The following CRACD variants were observed in gnomAD, a reference collection of about 807,000 sequenced individuals.
CRACD encodes capping protein-inhibiting regulator of actin dynamics.
CRACD carries 56 observed loss-of-function variants against 106.8 expected under a neutral mutation model. That is an observed-to-expected ratio of 0.52 (90% CI 0.42 to 0.66). The LOEUF (loss-of-function observed/expected upper bound fraction) is 0.66, where lower values mean the gene tolerates loss of function less well. Among genes scored for constraint, CRACD ranks in the 30% least tolerant of loss-of-function variants. CRACD has a pLI of 0.00. For synonymous variants in CRACD, 754 were observed against 670.8 expected (o/e 1.12, Z -1.92); for missense variants, 1,730 against 1,623.2 (o/e 1.07, Z -1.13).
At chr4:56,084,025 G>A (rs1733131684) in intron 1 of CRACD, among the ~76,000 whole-genome samples, 1 of 152,120 alleles carries the variant, frequency 6.6e-6, no homozygotes. Context: ...ACCTACAAAT[G>A]AATTGATTCA....
At chr4:56,200,826 C>T (rs12644788) in intron 2 of CRACD, among the ~76,000 whole-genome samples, 23,408 of 152,054 alleles carry the variant, frequency 0.15, 2,951 homozygotes, top group East Asian at 0.56. Context: ...GTAAAACAAC[C>T]TTATTGAAAC....
intron 2 of CRACD, among the ~76,000 whole-genome samples, chr4:56,239,066 G>A (rs1214030456): frequency 6.6e-6 from 1 of 152,146 alleles, no homozygotes; most frequent in African/African-American, 2.4e-5. Context: ...GCCGAGGCGG[G>A]CAGGTCACTT....
chr4:56,182,984 G>C (rs1736903549), intron 2 of CRACD, among the ~76,000 whole-genome samples: 1 of 151,288 alleles, frequency 6.6e-6, no homozygotes, highest in African/African-American at 2.4e-5. Context: ...TGTAATCTCA[G>C]TACTTTGGGA....
At chr4:56,082,679 G>A (rs1261577017) in intron 1 of CRACD, among the ~76,000 whole-genome samples, 2 of 152,162 alleles carry the variant, frequency 1.3e-5, no homozygotes, top group African/African-American at 4.8e-5. Context: ...GAACTTTGAA[G>A]AAAGGATGGG....
chr4:56,065,482 GAAGTATC>G (rs1732435413), intron 1 of CRACD, among the ~76,000 whole-genome samples: 1 of 152,156 alleles, frequency 6.6e-6, no homozygotes, highest in Non-Finnish European at 1.5e-5. Flanking sequence ...GCTTCTGGGA[GAAGTATC>G]TTAGCCTTTT....
chr4:56,279,276 A>C (rs1742864793), intron 3 of CRACD, among the ~76,000 whole-genome samples: 1 of 152,186 alleles, frequency 6.6e-6, no homozygotes, highest in African/African-American at 2.4e-5. Flanking sequence ...GGAGCTGTAG[A>C]CTGGAGCTGT....
intron 4 of CRACD, among the ~76,000 whole-genome samples, chr4:56,302,543 C>T (rs1169557923): frequency 6.6e-6 from 1 of 152,154 alleles, no homozygotes; most frequent in Non-Finnish European, 1.5e-5. Flanking sequence ...GTCATACATT[C>T]GGGGATTTTG....
intron 6 of CRACD, 70 bp downstream of exon 6, chr4:56,310,804 T>G (rs1745112669): frequency 2.2e-6 from 2 of 901,088 alleles, no homozygotes; most frequent in East Asian, 6.1e-5. Context: ...CCCCCTTTTT[T>G]TTTTTTGCGA....
chr4:56,266,872 G>C (rs1460659667), intron 2 of CRACD, among the ~76,000 whole-genome samples: 2 of 152,148 alleles, frequency 1.3e-5, no homozygotes, highest in East Asian at 3.9e-4. Flanking sequence ...GTAAAGCTTT[G>C]AGAACTTGCT....
rs563228518 is a variant in CRACD at position 56,192,317 on chromosome 4, G to A, written c.-189+12887G>A. On this transcript the variant is annotated intron_variant, in intron 2 of 10. Coordinates refer to ENST00000682029, the MANE Select transcript of CRACD (RefSeq NM_001393381.1). Reference sequence around the variant, plus strand: ...TGAGGTGGAAGAGTTGTTTGGACCCGGGAGGCAGAAGTTGCAGTGAGCCAA... The same window carrying A: ...TGAGGTGGAAGAGTTGTTTGGACCCAGGAGGCAGAAGTTGCAGTGAGCCAA... Among the ~76,000 whole-genome samples, 45 of 152,110 alleles carry A rather than the reference G, an allele frequency of 3.0e-4. No homozygotes were observed. In the East Asian group the frequency reaches 7.9e-3, roughly 27 times the overall value.
Position 56,167,188 on chromosome 4 carries a change from A to G in CRACD, c.-335-12096A>G, listed in dbSNP as rs1306432282. On this transcript the variant is annotated intron_variant, in intron 1 of 10. Coordinates refer to ENST00000682029, the MANE Select transcript of CRACD (RefSeq NM_001393381.1). ...AATTTATGAAATTATCAATAGATTT[A>G]TAAGTTATTTCATTTTTTTCAAAAA... Among the ~76,000 whole-genome samples, 5 of 152,202 alleles carry G rather than the reference A, an allele frequency of 3.3e-5. No individual in the cohort carries two copies. In the East Asian group the frequency reaches 9.6e-4, roughly 29 times the overall value.
At chr4:56,289,388 T>G (rs534190819) in intron 3 of CRACD, among the ~76,000 whole-genome samples, 2 of 152,316 alleles carry the variant, frequency 1.3e-5, no homozygotes, top group Admixed American at 1.3e-4. Flanking sequence ...GAATTAAAAC[T>G]GGGCTGGGCA....
In CRACD at chr4:56,112,202, A is replaced by G. The variant is rs573067521; in HGVS notation, c.-336+62903A>G. On this transcript the variant is annotated intron_variant, in intron 1 of 10. Transcript: ENST00000682029. ...TGCTTGCTTCGTGCAACGAAGCCAAATGCTGACATCTAGATAGCAGCGAGA... is the reference window on the plus strand; with the variant it reads ...TGCTTGCTTCGTGCAACGAAGCCAAGTGCTGACATCTAGATAGCAGCGAGA... Among the ~76,000 whole-genome samples the G allele has an allele frequency of 3.9e-5, 6 of 152,320 alleles. 1 individual carries two copies. The South Asian group carries it at 6.2e-4, about 16-fold the overall frequency.
chr4:56,105,391 T>C (rs1035895500), intron 1 of CRACD, among the ~76,000 whole-genome samples: 1 of 152,186 alleles, frequency 6.6e-6, no homozygotes, highest in African/African-American at 2.4e-5. Flanking sequence ...CCCAGCTCCT[T>C]GGGAGGTTGA....
chr4:56,284,940 A>G (rs1743252621), intron 3 of CRACD, among the ~76,000 whole-genome samples: 1 of 152,190 alleles, frequency 6.6e-6, no homozygotes, highest in Admixed American at 6.5e-5. Flanking sequence ...ATGGTGTATT[A>G]GTCTGTTTTC....
intron 1 of CRACD, among the ~76,000 whole-genome samples, chr4:56,063,079 AG>A (rs1732338451): frequency 6.6e-6 from 1 of 150,890 alleles, no homozygotes; most frequent in African/African-American, 2.5e-5. Flanking sequence ...AAGGAAAGGA[AG>A]GAAGAGAAGA....
intron 10 of CRACD, among the ~76,000 whole-genome samples, chr4:56,325,628 C>A (rs1260225190): frequency 6.6e-6 from 1 of 152,162 alleles, no homozygotes; most frequent in African/African-American, 2.4e-5. Context: ...AGAAAATATT[C>A]TTTATTTGGT....
At chr4:56,309,446 A>G (rs1490951350) in intron 5 of CRACD, among the ~76,000 whole-genome samples, 1 of 152,156 alleles carries the variant, frequency 6.6e-6, no homozygotes, top group African/African-American at 2.4e-5. Flanking sequence ...GCCAGGCAGT[A>G]TGGCTCATAC....
intron 1 of CRACD, among the ~76,000 whole-genome samples, chr4:56,139,820 A>G (rs1344740764): frequency 6.6e-6 from 1 of 152,168 alleles, no homozygotes; most frequent in Non-Finnish European, 1.5e-5. Flanking sequence ...AATTACATTT[A>G]TATAAATAAA....
Sources: gnomAD v4.1 joint callset for allele counts (sites outside exome capture counted in the v4.1 genomes callset) on GRCh38, gnomAD v4.1.1 for gene constraint, MANE v1.5 for transcripts, NCBI Gene and HGNC (gene_info 2026-07-23, HGNC 2026-07-21) for gene names.